SLIT3: variants seen among roughly 807,000 people sequenced by gnomAD.
The protein encoded by SLIT3 is slit homolog 3 protein.
In SLIT3, 68 loss-of-function variants were observed where a neutral mutation model predicts 184.0. The ratio of observed to expected loss-of-function variants is 0.37; its 90% CI spans 0.30 to 0.45. The LOEUF is 0.45. Among genes scored for constraint, SLIT3 ranks in the 20% least tolerant of loss-of-function variants. The pLI is 1.00. For missense variants in SLIT3, 1,707 were observed against 2,026.0 expected (o/e 0.84, Z 3.02); for synonymous variants, 831 against 828.6 (o/e 1.00, Z -0.05).
rs1245976522 is a variant in SLIT3, at chr5:168,921,461, TTAAAA to T, written c.414-38130_414-38126del. 2.0e-5 allele frequency among the ~76,000 whole-genome samples: 3 copies of T among 152,198 alleles called. No individual in the cohort carries two copies. In the East Asian group the frequency reaches 5.8e-4, roughly 29 times the overall value. On this transcript the variant is annotated intron_variant, in intron 4 of 35. Transcript: ENST00000519560. The stretch of plus-strand genomic sequence containing the variant: ...AAGCCTCTCAAAGCTATATGCTTAA[TTAAAA>T]TAAAAGGGTGATATACATCATTGCA...
intron 1 of SLIT3, among the ~76,000 whole-genome samples, chr5:169,268,792 T>A (rs190277165): frequency 2.4e-4 from 37 of 152,342 alleles, no homozygotes; most frequent in Admixed American, 5.9e-4. Flanking sequence ...ATAAATTTTT[T>A]AAAAAGTTGT....
chr5:168,671,067 C>A, intron 34 of SLIT3, 131 bp downstream of exon 34: 1 of 1,045,364 alleles, frequency 9.6e-7, no homozygotes, highest in Non-Finnish European at 1.4e-6. Flanking sequence ...AGCAGTTACA[C>A]TTACACAGAT....
intron 9 of SLIT3, among the ~76,000 whole-genome samples, chr5:168,797,821 T>A (rs1391040715): frequency 1.3e-5 from 2 of 152,332 alleles, no homozygotes; most frequent in Admixed American, 1.3e-4. Context: ...TCAAATAGCT[T>A]GTCCAAAGTG....
At chr5:168,743,584 A>C (rs1763705726) in intron 20 of SLIT3, among the ~76,000 whole-genome samples, 1 of 152,178 alleles carries the variant, frequency 6.6e-6, no homozygotes, top group Admixed American at 6.5e-5. Context: ...ACAATATTGA[A>C]ATTGGGCCAA....
chr5:168,890,906 C>T (rs1760430993), intron 4 of SLIT3, among the ~76,000 whole-genome samples: 1 of 152,156 alleles, frequency 6.6e-6, no homozygotes, highest in Admixed American at 6.5e-5. Context: ...AGTTTGAGAA[C>T]CATGGGTGGA....
chr5:168,670,811 G>A (rs1025822867), intron 34 of SLIT3, among the ~76,000 whole-genome samples: 1 of 152,150 alleles, frequency 6.6e-6, no homozygotes, highest in Non-Finnish European at 1.5e-5. Context: ...TGAATGAGTA[G>A]TTGCTTAAAC....
intron 3 of SLIT3, among the ~76,000 whole-genome samples, chr5:169,215,187 C>A (rs1001709664): frequency 6.6e-6 from 1 of 152,162 alleles, no homozygotes; most frequent in Admixed American, 6.5e-5. Context: ...TCCTCTGCCC[C>A]CCAGCCATGA....
intron 4 of SLIT3, among the ~76,000 whole-genome samples, chr5:168,978,078 G>A (rs1252420850): frequency 6.6e-6 from 1 of 152,198 alleles, no homozygotes; most frequent in Non-Finnish European, 1.5e-5. Flanking sequence ...CACCTCATCT[G>A]ACAATCCCAC....
At chr5:169,044,586 G>GT (rs1268673806) in intron 4 of SLIT3, among the ~76,000 whole-genome samples, 1 of 134,402 alleles carries the variant, frequency 7.4e-6, no homozygotes, top group African/African-American at 3.0e-5. Context: ...CTGGAGGAAG[G>GT]TGGGGGGGGG....
At position 168,685,924 on chromosome 5, in the gene SLIT3, T is replaced by C. The variant is rs144747196; in HGVS notation, c.3318A>G (p.Gly1106=). 107 of 1,606,616 alleles carry C rather than the reference T, an allele frequency of 6.7e-5. No homozygotes were observed. The highest frequency in any genetic ancestry group is 8.8e-5 in the Non-Finnish European group (104 of 1,176,342). ...YTCTCPQGFS[G]PFCEHPPPMV... is the part of the protein sequence containing the mutation. ...TGGGTGGGGGGTGTTCACAGAAGGG[T>C]CCACTGGAAGGCAGGAGAGAATGGG... Residue 1106 remains glycine, a synonymous_variant, in exon 31 of 36, where the codon GGA becomes GGG. Transcript: ENST00000519560.
At position 168,700,602 on chromosome 5, in the gene SLIT3, G is replaced by T. The variant is rs1330896114; in HGVS notation, c.2922C>A (p.Asp974Glu). The T allele has an allele frequency of 2.5e-6, 4 of 1,613,966 alleles. No individual in the cohort carries two copies. Among genetic ancestry groups the T allele is most frequent in the Non-Finnish European group, 3.4e-6 (4 of 1,179,824 alleles). ...CQHGGTCHLSDSHKDGFSCSC... is the reference protein window; with the variant it reads ...CQHGGTCHLSESHKDGFSCSC... Reference sequence around the variant, plus strand: ...GTTACCTGAACCCATCCTTGTGGCTGTCACTCAGGTGGCAGGTGCCTCCAT... The same window carrying T: ...GTTACCTGAACCCATCCTTGTGGCTTTCACTCAGGTGGCAGGTGCCTCCAT... Residue 974 changes from aspartate to glutamate, a missense_variant, in exon 27 of 36, where the codon GAC becomes GAA. Physicochemically the swap from Asp to Glu is conservative, Grantham distance 45. Transcript: ENST00000519560.
chr5:169,247,724 G>A (rs999093522), intron 2 of SLIT3, among the ~76,000 whole-genome samples: 8 of 152,054 alleles, frequency 5.3e-5, no homozygotes, highest in Non-Finnish European at 1.0e-4. Flanking sequence ...GTGCAGTGGT[G>A]CAAGGTGCTG....
intron 6 of SLIT3, among the ~76,000 whole-genome samples, chr5:168,842,469 G>GTTTTTTGTTTT (rs1554147713): frequency 1.1e-5 from 1 of 88,100 alleles, no homozygotes; most frequent in African/African-American, 4.8e-5. Context: ...CCGTTTTTTC[G>GTTTTTTGTTTT]TTTTTTTTTT....
chr5:169,032,500 G>T, intron 4 of SLIT3, among the ~76,000 whole-genome samples: 1 of 144,036 alleles, frequency 6.9e-6, no homozygotes, highest in African/African-American at 2.7e-5. Flanking sequence ...ACTCACTTAT[G>T]TGCCAGTCAT....
intron 6 of SLIT3, among the ~76,000 whole-genome samples, chr5:168,828,884 T>C (rs1036400512): frequency 6.6e-6 from 1 of 152,140 alleles, no homozygotes; most frequent in Non-Finnish European, 1.5e-5. Context: ...TACTTAAGTG[T>C]AGAGGGTAGT....
intron 20 of SLIT3, among the ~76,000 whole-genome samples, chr5:168,726,249 T>C (rs1412985274): frequency 2.0e-5 from 3 of 151,412 alleles, no homozygotes; most frequent in African/African-American, 7.3e-5. Flanking sequence ...CAAGTATTTA[T>C]TGAACGATTA....
At chr5:168,918,085 C>G (rs1761503031) in intron 4 of SLIT3, among the ~76,000 whole-genome samples, 1 of 152,098 alleles carries the variant, frequency 6.6e-6, no homozygotes, top group Non-Finnish European at 1.5e-5. Flanking sequence ...TTCTCCCTCT[C>G]CCTTTTTTTT....
At chr5:168,827,821 C>T (rs1247438478) in intron 6 of SLIT3, among the ~76,000 whole-genome samples, 1 of 152,218 alleles carries the variant, frequency 6.6e-6, no homozygotes, top group Admixed American at 6.5e-5. Context: ...GCCCACAAGC[C>T]TAATCCCATC....
At chr5:169,043,535 TATAACTTG>T (rs1757520352) in intron 4 of SLIT3, among the ~76,000 whole-genome samples, 1 of 152,228 alleles carries the variant, frequency 6.6e-6, no homozygotes, top group Admixed American at 6.5e-5. Flanking sequence ...GTTGGTTAAG[TATAACTTG>T]ATAACTTGCC....
Sources: allele counts gnomAD v4.1 joint callset (sites outside exome capture counted in the v4.1 genomes callset), GRCh38; gene constraint gnomAD v4.1.1; transcripts MANE v1.5; gene names NCBI Gene and HGNC (gene_info 2026-07-23, HGNC 2026-07-21).